The following GALNT14 variants were observed in gnomAD, a reference collection of about 807,000 sequenced individuals.
The protein encoded by GALNT14 is polypeptide N-acetylgalactosaminyltransferase 14.
In GALNT14, 60 loss-of-function variants were observed where a neutral mutation model predicts 77.5. The ratio of observed to expected loss-of-function variants is 0.77; its 90% CI spans 0.63 to 0.96. The LOEUF (loss-of-function observed/expected upper bound fraction) is 0.96, where lower values mean the gene tolerates loss of function less well. Ranked by LOEUF, GALNT14 falls within the 40% of genes least tolerant of loss-of-function variation. The pLI is 0.00. For missense variants in GALNT14, 710 were observed against 731.0 expected (o/e 0.97, Z 0.33); for synonymous variants, 280 against 281.7 (o/e 0.99, Z 0.06).
intron 1 of GALNT14, among the ~76,000 whole-genome samples, chr2:31,012,490 C>G (rs1267497186): frequency 6.6e-6 from 1 of 152,182 alleles, no homozygotes; most frequent in Non-Finnish European, 1.5e-5. Flanking sequence ...TGCTCACAGC[C>G]TCAGTGCAGC....
At chr2:31,057,744 C>T (rs1262246786) in intron 1 of GALNT14, among the ~76,000 whole-genome samples, 2 of 152,114 alleles carry the variant, frequency 1.3e-5, no homozygotes, top group East Asian at 1.9e-4. Flanking sequence ...GATGGCTATG[C>T]TCCCTTGGCC....
intron 1 of GALNT14, among the ~76,000 whole-genome samples, chr2:31,053,679 C>T (rs1390932446): frequency 6.6e-6 from 1 of 152,152 alleles, no homozygotes; most frequent in Non-Finnish European, 1.5e-5. Context: ...TGCCTGCTTC[C>T]ATTACTAGAT....
In GALNT14 at chr2:30,967,640, C is replaced by G. The variant is rs148722142; in HGVS notation, c.300-1338G>C. On this transcript the variant is annotated intron_variant, in intron 2 of 14. Transcript: ENST00000349752. ...AACAATTTCTCACCATGTCCTTTTG[C>G]CCCACCTCCTGAATTCACCCCTCCT... Among the ~76,000 whole-genome samples, 225 of 152,276 alleles carry G rather than the reference C, an allele frequency of 1.5e-3. 2 individuals carry two copies. Among genetic ancestry groups the G allele is most frequent in the Non-Finnish European group, 1.6e-3 (111 of 68,014 alleles).
At chr2:30,994,319 G>A (rs1460130343) in intron 1 of GALNT14, among the ~76,000 whole-genome samples, 1 of 152,132 alleles carries the variant, frequency 6.6e-6, no homozygotes, top group South Asian at 2.1e-4. Flanking sequence ...TCCTGCACTC[G>A]GGAAACCTGA....
intron 1 of GALNT14, among the ~76,000 whole-genome samples, chr2:31,132,085 T>C (rs1054208623): frequency 1.3e-5 from 2 of 151,820 alleles, no homozygotes; most frequent in African/African-American, 4.8e-5. Context: ...CATCTGCAGG[T>C]CCCTGGGACA....
downstream of GALNT14, among the ~76,000 whole-genome samples, chr2:30,905,575 C>G (rs1324030530): frequency 3.9e-5 from 6 of 152,022 alleles, no homozygotes; most frequent in Admixed American, 1.3e-4. Flanking sequence ...AAGACCAAAT[C>G]TATGTCTGAT....
intron 2 of GALNT14, among the ~76,000 whole-genome samples, chr2:30,979,065 G>C (rs1365164697): frequency 6.6e-6 from 1 of 152,232 alleles, no homozygotes; most frequent in Non-Finnish European, 1.5e-5. Context: ...GCCTGATGGG[G>C]GCGGCCTTGA....
At chr2:31,052,647 G>A (rs192340675) in intron 1 of GALNT14, among the ~76,000 whole-genome samples, 59 of 151,672 alleles carry the variant, frequency 3.9e-4, no homozygotes, top group African/African-American at 1.4e-3. Context: ...GGAGGTGGGA[G>A]AGCAACTCCA....
chr2:31,019,426 T>G (rs1454285407), intron 1 of GALNT14, among the ~76,000 whole-genome samples: 1 of 152,130 alleles, frequency 6.6e-6, no homozygotes, highest in Non-Finnish European at 1.5e-5. Flanking sequence ...CCAGCCACAC[T>G]GTCATTTTGA....
chr2:30,940,852 G>A (rs1439258971), intron 9 of GALNT14, among the ~76,000 whole-genome samples: 1 of 152,200 alleles, frequency 6.6e-6, no homozygotes, highest in Non-Finnish European at 1.5e-5. Context: ...ATTCGATTTT[G>A]TGTGGGTGTT....
At chr2:31,052,128 C>A (rs1373201544) in intron 1 of GALNT14, among the ~76,000 whole-genome samples, 1 of 152,122 alleles carries the variant, frequency 6.6e-6, no homozygotes. Flanking sequence ...CATCCCTTCA[C>A]CTGAATGTCC....
downstream of GALNT14, among the ~76,000 whole-genome samples, chr2:30,905,910 C>G (rs1486106840): frequency 6.6e-6 from 1 of 152,028 alleles, no homozygotes; most frequent in Non-Finnish European, 1.5e-5. Flanking sequence ...CAATATTCAA[C>G]ATTCTTAAAG....
chr2:30,912,111 C>T (rs1664398416), intron 14 of GALNT14, 112 bp downstream of exon 14: 2 of 1,381,448 alleles, frequency 1.4e-6, no homozygotes, highest in South Asian at 1.3e-5. Flanking sequence ...CCTCTCTTAT[C>T]AACTCTTCCT....
In GALNT14 at chr2:31,067,184, T is replaced by C. The variant is rs543808494; in HGVS notation, c.129+70774A>G. 6.6e-5 allele frequency among the ~76,000 whole-genome samples: 10 copies of C among 152,152 alleles called. No individual in the cohort carries two copies. In the East Asian group the frequency reaches 1.7e-3, roughly 26 times the overall value. ...GGCCTTGGTCCCCTTATTTGTCACATAGGCAAGGGCAGGGGGCCAAACAGG... is the reference window on the plus strand; with the variant it reads ...GGCCTTGGTCCCCTTATTTGTCACACAGGCAAGGGCAGGGGGCCAAACAGG... On this transcript the variant is annotated intron_variant, in intron 1 of 14. Coordinates refer to ENST00000349752, the MANE Select transcript of GALNT14 (RefSeq NM_024572.4).
At chr2:30,922,418 G>C (rs1052595387) in intron 13 of GALNT14, among the ~76,000 whole-genome samples, 1 of 152,168 alleles carries the variant, frequency 6.6e-6, no homozygotes, top group Non-Finnish European at 1.5e-5. Context: ...AGCACAGGAA[G>C]AGAGACCAGG....
intron 1 of GALNT14, among the ~76,000 whole-genome samples, chr2:31,016,469 A>C (rs373926081): frequency 6.6e-6 from 1 of 152,252 alleles, no homozygotes. Context: ...AGAAACTGGG[A>C]CTAAACAGAA....
chr2:31,097,458 T>C (rs1244423820), intron 1 of GALNT14, among the ~76,000 whole-genome samples: 1 of 150,410 alleles, frequency 6.6e-6, no homozygotes, highest in Non-Finnish European at 1.5e-5. Context: ...GCTCTAGGCA[T>C]GTGAGATATG....
At position 30,997,249 on chromosome 2, in the gene GALNT14, A is replaced by G. The variant is rs1383543375; in HGVS notation, c.130-4242T>C. Among the ~76,000 whole-genome samples, 5 of 152,150 alleles carry G rather than the reference A, an allele frequency of 3.3e-5. No individual in the cohort carries two copies. The East Asian group carries it at 9.6e-4, about 29-fold the overall frequency. ...AGTTGGCTTCCAAGCTCTTCCATTC[A>G]TGAGTCCCCACATCCAGCTTCCAAG... On this transcript the variant is annotated intron_variant, in intron 1 of 14. Transcript: ENST00000349752.
chr2:30,955,846 ACACC>A, intron 5 of GALNT14, 62 bp downstream of exon 5: 7 of 1,609,824 alleles, frequency 4.3e-6, no homozygotes, highest in Non-Finnish European at 5.9e-6. Flanking sequence ...CAACACACAC[ACACC>A]ATCACACCTT....
Sources: allele counts gnomAD v4.1 joint callset (sites outside exome capture counted in the v4.1 genomes callset), GRCh38; gene constraint gnomAD v4.1.1; transcripts MANE v1.5; gene names NCBI Gene and HGNC (gene_info 2026-07-23, HGNC 2026-07-21).